The following NMRK2 variants were observed in gnomAD, a reference collection of about 807,000 sequenced individuals.
NMRK2 encodes NRK 2.
NMRK2 carries 34 observed loss-of-function variants against 24.7 expected under a neutral mutation model. That is an observed-to-expected ratio of 1.37 (90% CI 1.05 to 1.83). NMRK2 has a LOEUF of 1.83. Ranked by LOEUF, NMRK2 falls within the 40% of genes most tolerant of loss-of-function variation. The pLI is 0.00. For synonymous variants in NMRK2, 145 were observed against 125.6 expected (o/e 1.15, Z -1.03); for missense variants, 341 against 315.0 (o/e 1.08, Z -0.62).
At chr19:3,936,733 C>A (rs2039221234) in intron 3 of NMRK2, 68 bp downstream of exon 3, 2 of 1,341,344 alleles carry the variant, frequency 1.5e-6, no homozygotes, top group African/African-American at 1.4e-5. Context: ...GCCCGGCCAG[C>A]CCCGCCCTCC....
intron 2 of NMRK2, among the ~76,000 whole-genome samples, chr19:3,935,830 C>A (rs919080274): frequency 3.9e-5 from 6 of 152,042 alleles, no homozygotes; most frequent in Non-Finnish European, 8.8e-5. Context: ...TTCGGCCTCC[C>A]AAAGTGCTGG....
At chr19:3,941,985 C>T (rs2039340703) in intron 7 of NMRK2, 98 bp from the exon 8 acceptor site, 1 of 979,030 alleles carries the variant, frequency 1.0e-6, no homozygotes, top group Admixed American at 2.3e-5. Flanking sequence ...CAGCCCGACT[C>T]TGCAGATCTC....
chr19:3,934,814 C>T (rs2039185679), intron 2 of NMRK2, among the ~76,000 whole-genome samples: 1 of 152,000 alleles, frequency 6.6e-6, no homozygotes, highest in Admixed American at 6.6e-5. Flanking sequence ...AACTCCTGAC[C>T]TCAAGTGATC....
intron 7 of NMRK2, among the ~76,000 whole-genome samples, chr19:3,941,545 A>C (rs1270271296): frequency 1.3e-5 from 2 of 151,590 alleles, no homozygotes; most frequent in Non-Finnish European, 2.9e-5. Flanking sequence ...GAACCACTGC[A>C]GCTGGCCACC....
In NMRK2 at chr19:3,936,602, G is replaced by A; in HGVS notation, c.54G>A (p.Leu18=). The part of the protein sequence containing the change: ...GGMTNGGKTT[L]TNSLLRALPN... ...TGACCAACGGCGGCAAGACCACGCTGACCAACAGCCTGCTCAGAGCCCTGC... is the reference window on the plus strand; with the variant it reads ...TGACCAACGGCGGCAAGACCACGCTAACCAACAGCCTGCTCAGAGCCCTGC... The change falls in exon 3 of 8, where the codon CTG becomes CTA. Residue 18 remains leucine, a synonymous_variant. Transcript: ENST00000168977. 1 of 1,569,548 alleles carries A rather than the reference G, an allele frequency of 6.4e-7. No homozygotes were observed. Among genetic ancestry groups the A allele is most frequent in the Non-Finnish European group, 8.6e-7 (1 of 1,158,372 alleles).
intron 3 of NMRK2, 129 bp downstream of exon 3, chr19:3,936,794 CCCTCCTGGGGTCTCTGG>C: frequency 1.4e-6 from 1 of 721,058 alleles, no homozygotes; most frequent in South Asian, 1.9e-5. Flanking sequence ...CCTGCCTGAC[CCCTCCTGGGGTCTCTGG>C]GATAAACTGG....
chr19:3,939,833 T>G, intron 5 of NMRK2, 67 bp from the exon 6 acceptor site: 2 of 1,426,270 alleles, frequency 1.4e-6, no homozygotes, highest in Non-Finnish European at 2.0e-6. Flanking sequence ...GCTGGGGGGT[T>G]GGATATTTTG....
In NMRK2 at chr19:3,938,742, C is replaced by T. The variant is rs2039265573; in HGVS notation, c.306C>T (p.Phe102=). The change falls in exon 5 of 8, where the codon TTC becomes TTT. Residue 102 remains phenylalanine (F), a synonymous_variant. Coordinates refer to ENST00000168977, the MANE Select transcript of NMRK2 (RefSeq NM_170678.3). ...SDTHILLLEG[F]LLYSYKPLVD... is the part of the protein sequence containing the mutation. The stretch of plus-strand genomic sequence containing the variant: ...CCCACATCCTCCTCCTGGAAGGCTT[C>T]CTGCTCTACAGCTACAAGTAAACAT... 1 of 1,602,400 alleles carries T rather than the reference C, an allele frequency of 6.2e-7. No homozygotes were observed. The highest frequency in any genetic ancestry group is 8.5e-7 in the Non-Finnish European group (1 of 1,174,174).
chr19:3,942,324 C>G lies in NMRK2; in HGVS notation c.*51C>G. Reference sequence around the variant, plus strand: ...CGTAGGAGAGTGGAGGCCCCACTCCCAGTTGGGCGTCCCGGAGCTCAGGGA... The same window carrying G: ...CGTAGGAGAGTGGAGGCCCCACTCCGAGTTGGGCGTCCCGGAGCTCAGGGA... On this transcript the variant is annotated 3_prime_UTR_variant, in exon 8 of 8. Coordinates refer to ENST00000168977, the MANE Select transcript of NMRK2 (RefSeq NM_170678.3). 2 of 1,500,156 alleles carry G rather than the reference C, an allele frequency of 1.3e-6. No individual in the cohort carries two copies. Among genetic ancestry groups the G allele is most frequent in the Non-Finnish European group, 1.8e-6 (2 of 1,108,906 alleles). 92.9% of individuals were successfully genotyped at this position (1,500,156 alleles called of 1,614,324 possible).
chr19:3,938,832 T>TTG, intron 5 of NMRK2, 73 bp downstream of exon 5: 2 of 600,306 alleles, frequency 3.3e-6, no homozygotes, highest in East Asian at 7.7e-5. Context: ...GTTTTTTTTT[T>TTG]TTTTTTTTTT....
intron 2 of NMRK2, among the ~76,000 whole-genome samples, chr19:3,935,412 C>T (rs1195528491): frequency 4.6e-5 from 7 of 151,812 alleles, no homozygotes; most frequent in Admixed American, 6.6e-5. Flanking sequence ...CCCACCACTA[C>T]GCCCAGCTAA....
chr19:3,938,828 TTTTTTTTTTTTTTTTGTTTTG>T (rs1568180812), intron 5 of NMRK2, 69 bp downstream of exon 5: 11 of 565,848 alleles, frequency 1.9e-5, no homozygotes, highest in African/African-American at 7.5e-5. Flanking sequence ...TCTTGTTTTT[TTTTTTTTTTTTTTTTGTTTTG>T]TTTTTTTTTT....
At chr19:3,935,249 G>GTGT in intron 2 of NMRK2, among the ~76,000 whole-genome samples, 1 of 130,328 alleles carries the variant, frequency 7.7e-6, no homozygotes, top group South Asian at 2.7e-4. Context: ...TTTTCCGTCA[G>GTGT]TCTTTTTTTT....
In NMRK2 at chr19:3,941,165, G is replaced by A. The variant is rs150918954; in HGVS notation, c.490G>A (p.Gly164Ser). Residue 164 changes from glycine (G) to serine (S), a missense_variant, in exon 7 of 8, where the codon GGT becomes AGT. Physicochemically the swap from Gly to Ser is moderately conservative, Grantham distance 56 (BLOSUM62 0). Coordinates refer to ENST00000168977, the MANE Select transcript of NMRK2 (RefSeq NM_170678.3). ...QKYRQEMEAN[G>S]VEVVYLDGMK... ...GTATAGGCAGGAGATGGAGGCCAACGGTGTGGAAGTGGGTAAGCCCCTGAG... is the reference window on the plus strand; with the variant it reads ...GTATAGGCAGGAGATGGAGGCCAACAGTGTGGAAGTGGGTAAGCCCCTGAG... 204 of 1,611,998 alleles carry A rather than the reference G, an allele frequency of 1.3e-4. No homozygotes were observed. The African/African-American group carries it at 2.3e-3, about 18-fold the overall frequency.
intron 5 of NMRK2, 65 bp downstream of exon 5, chr19:3,938,824 T>C: frequency 2.6e-6 from 1 of 378,858 alleles, no homozygotes; most frequent in African/African-American, 5.5e-5. Flanking sequence ...CATCTCTTGT[T>C]TTTTTTTTTT....
At chr19:3,934,820 T>C (rs1463674547) in intron 2 of NMRK2, among the ~76,000 whole-genome samples, 1 of 152,010 alleles carries the variant, frequency 6.6e-6, no homozygotes, top group Non-Finnish European at 1.5e-5. Flanking sequence ...TGACCTCAAG[T>C]GATCCAACTG....
intron 5 of NMRK2, among the ~76,000 whole-genome samples, chr19:3,939,243 G>A (rs1017071901): frequency 1.3e-5 from 2 of 151,904 alleles, no homozygotes; most frequent in African/African-American, 4.8e-5. Flanking sequence ...CAAGTCTGGA[G>A]CCAGGCGTGG....
Position 3,942,233 on chromosome 19 carries a change from G to A in NMRK2, c.653G>A (p.Arg218Lys). ...TQGPGRGCGH[R>K]TARPAASQQD... The stretch of plus-strand genomic sequence containing the variant: ...GGACCCGGACGCGGATGCGGCCACA[G>A]AACGGCCAGGCCTGCAGCGTCCCAG... Residue 218 changes from arginine (R) to lysine (K), a missense_variant, in exon 8 of 8, where the codon AGA becomes AAA. Coordinates refer to ENST00000168977, the MANE Select transcript of NMRK2 (RefSeq NM_170678.3). 1 of 1,612,284 alleles carries A rather than the reference G, an allele frequency of 6.2e-7. No homozygotes were observed. Among genetic ancestry groups the A allele is most frequent in the Non-Finnish European group, 8.5e-7 (1 of 1,179,764 alleles).
chr19:3,941,069 A>C lies in NMRK2; in HGVS notation c.396-2A>C, dbSNP rs759943907. The C allele has an allele frequency of 1.2e-6, 2 of 1,603,628 alleles. No homozygotes were observed. Among genetic ancestry groups the C allele is most frequent in the Non-Finnish European group, 8.5e-7 (1 of 1,171,130 alleles). On this transcript the variant is annotated splice_acceptor_variant, in intron 6 of 7. Coordinates refer to ENST00000168977, the MANE Select transcript of NMRK2 (RefSeq NM_170678.3). LOFTEE classifies it high-confidence loss of function. ...AGCCATCCTTGCCTTCTCCCTCTGC[A>C]GTACCCGCAACTACACAGTCCCTGA...
Sources: gnomAD v4.1 joint callset for allele counts (sites outside exome capture counted in the v4.1 genomes callset) on GRCh38, gnomAD v4.1.1 for gene constraint, MANE v1.5 for transcripts, NCBI Gene and HGNC (gene_info 2026-07-23, HGNC 2026-07-21) for gene names.